Variants in ST3GAL4 observed in about 807,000 individuals in gnomAD.
The protein encoded by ST3GAL4 is CMP-N-acetylneuraminate-beta-galactosamide-alpha-2,3-sialyltransferase 4.
In ST3GAL4, 24 loss-of-function variants were observed where a neutral mutation model predicts 42.6. That is an observed-to-expected ratio of 0.56 (90% CI 0.41 to 0.79). The LOEUF (loss-of-function observed/expected upper bound fraction) is 0.79, where lower values mean the gene tolerates loss of function less well. Ranked by LOEUF, ST3GAL4 falls within the 30% of genes least tolerant of loss-of-function variation. The pLI is 0.00. For missense variants in ST3GAL4, 311 were observed against 430.8 expected (o/e 0.72, Z 2.46); for synonymous variants, 135 against 163.2 (o/e 0.83, Z 1.32).
intron 1 of ST3GAL4, among the ~76,000 whole-genome samples, chr11:126,401,758 A>G (rs889484505): frequency 6.6e-6 from 1 of 152,032 alleles, no homozygotes; most frequent in African/African-American, 2.4e-5. Flanking sequence ...GGCAATTAGA[A>G]GGTCATTGGC....
chr11:126,388,326 ATTTCTTTTTTCT>A (rs1307368962), intron 1 of ST3GAL4, among the ~76,000 whole-genome samples: 3 of 151,782 alleles, frequency 2.0e-5, no homozygotes, highest in Non-Finnish European at 2.9e-5. Flanking sequence ...TTTTTATTTT[ATTTCTTTTTTCT>A]TTTCTTTTTT....
intron 1 of ST3GAL4, among the ~76,000 whole-genome samples, chr11:126,404,097 A>G (rs1565421521): frequency 6.6e-6 from 1 of 152,228 alleles, no homozygotes; most frequent in African/African-American, 2.4e-5. Context: ...TTCTTCAGCC[A>G]TAATCAAGAA....
Position 126,363,824 on chromosome 11 carries a change from G to T in ST3GAL4, c.-61+7982G>T, listed in dbSNP as rs749214074. Among the ~76,000 whole-genome samples, 20 of 152,358 alleles carry T rather than the reference G, an allele frequency of 1.3e-4. No individual in the cohort carries two copies. Among genetic ancestry groups the T allele is most frequent in the Admixed American group, 4.6e-4 (7 of 15,310 alleles). ...TTTTCTACTCTCAGACCCCATTGAG[G>T]TGAGCACACAACAGTGTTCTGTGTG... On this transcript the variant is annotated intron_variant, in intron 1 of 10. Coordinates refer to ENST00000444328, the MANE Select transcript of ST3GAL4 (RefSeq NM_001254757.2). This position sits in a 1 kb window ranked among gnomAD's most constrained non-coding sequence, Gnocchi z 4.6.
rs991048835 is a variant in ST3GAL4, at chr11:126,373,625, G to T, written c.-61+17783G>T. ...CAGGGGCGGACGGGAGGGGGTCGTG[G>T]TGGGTAGCCTGTGGAGCCTGAGGGT... On this transcript the variant is annotated intron_variant, in intron 1 of 10. Coordinates refer to ENST00000444328, the MANE Select transcript of ST3GAL4 (RefSeq NM_001254757.2). The surrounding 1 kb of genome is among the most constrained non-coding windows in gnomAD (Gnocchi z 5.5). Among the ~76,000 whole-genome samples, 1 of 152,162 alleles carries T rather than the reference G, an allele frequency of 6.6e-6. No individual in the cohort carries two copies. The highest frequency in any genetic ancestry group is 1.5e-5 in the Non-Finnish European group (1 of 68,032).
At chr11:126,385,695 G>A (rs1008831748) in intron 1 of ST3GAL4, among the ~76,000 whole-genome samples, 6 of 152,116 alleles carry the variant, frequency 3.9e-5, no homozygotes, top group African/African-American at 1.4e-4. Flanking sequence ...AGGAGCTGCA[G>A]CACAGCCCCA....
chr11:126,406,635 A>T lies in ST3GAL4; in HGVS notation c.101+78A>T. 6.3e-7 allele frequency: 1 copy of T among 1,590,402 alleles called. No homozygotes were observed. The highest frequency in any genetic ancestry group is 8.6e-7 in the Non-Finnish European group (1 of 1,167,368). On this transcript the variant is annotated intron_variant, in intron 3 of 10. Coordinates refer to ENST00000444328, the MANE Select transcript of ST3GAL4 (RefSeq NM_001254757.2). This position sits in a 1 kb window ranked among gnomAD's most constrained non-coding sequence, Gnocchi z 5.4. ...GGGATGGAGCATCATGGAGCGGGGGACCTAGTAGGGCAGGAAGGTTCCAAG... is the reference window on the plus strand; with the variant it reads ...GGGATGGAGCATCATGGAGCGGGGGTCCTAGTAGGGCAGGAAGGTTCCAAG...
rs2135456224 is a variant in ST3GAL4 at position 126,384,928 on chromosome 11, A to AG, written c.-60-21164dup. ...GGGCTGGGACAGAGCTTGAATGGAG[A>AG]GGGGCCGCCTTGTGCCTGGGAAGGG... On this transcript the variant is annotated intron_variant, in intron 1 of 10. Coordinates refer to ENST00000444328, the MANE Select transcript of ST3GAL4 (RefSeq NM_001254757.2). This position sits in a 1 kb window ranked among gnomAD's most constrained non-coding sequence, Gnocchi z 5.5. 1.0e-6 allele frequency: 1 copy of AG among 984,986 alleles called. No individual in the cohort carries two copies. Among genetic ancestry groups the AG allele is most frequent in the East Asian group, 1.1e-4 (1 of 8,786 alleles). 61.0% of individuals were successfully genotyped at this position (984,986 alleles called of 1,614,324 possible). A position where few individuals can be genotyped will look rare whatever the true frequency, so the allele number is the denominator to read the frequency against.
At position 126,414,300 on chromosome 11, in the gene ST3GAL4, C is replaced by T. The variant is rs1661241743; in HGVS notation, c.*253C>T. The stretch of plus-strand genomic sequence containing the variant: ...GGCAGGGGGCTCGTTGCTGTGGCAC[C>T]CCCTCTCTGCCAGCACCAAGAGATT... On this transcript the variant is annotated 3_prime_UTR_variant, in exon 11 of 11. Coordinates refer to ENST00000444328, the MANE Select transcript of ST3GAL4 (RefSeq NM_001254757.2). 1 of 549,386 alleles carries T rather than the reference C, an allele frequency of 1.8e-6. No individual in the cohort carries two copies. Among genetic ancestry groups the T allele is most frequent in the Non-Finnish European group, 3.3e-6 (1 of 304,864 alleles). 34.0% of individuals were successfully genotyped at this position (549,386 alleles called of 1,614,324 possible). A position where few individuals can be genotyped will look rare whatever the true frequency, so the allele number is the denominator to read the frequency against.
At position 126,392,035 on chromosome 11, in the gene ST3GAL4, C is replaced by T. The variant is rs1255972772; in HGVS notation, c.-60-14061C>T. On this transcript the variant is annotated intron_variant, in intron 1 of 10. Coordinates refer to ENST00000444328, the MANE Select transcript of ST3GAL4 (RefSeq NM_001254757.2). This position sits in a 1 kb window ranked among gnomAD's most constrained non-coding sequence, Gnocchi z 5.8. Reference sequence around the variant, plus strand: ...AACACCACTGACCTGAAGGCAGTTACACGTAATTTACAAATGAGGAATCTG... The same window carrying T: ...AACACCACTGACCTGAAGGCAGTTATACGTAATTTACAAATGAGGAATCTG... 3.3e-5 allele frequency: 5 copies of T among 152,090 alleles called. No individual in the cohort carries two copies. The highest frequency in any genetic ancestry group is 3.9e-4 in the East Asian group (2 of 5,180). 9.4% of individuals were successfully genotyped at this position (152,090 alleles called of 1,614,324 possible).
At chr11:126,358,581 G>T in intron 1 of ST3GAL4, 1 of 376,748 alleles carries the variant, frequency 2.7e-6, no homozygotes, top group Non-Finnish European at 5.6e-6. Context: ...GAGAGCAGCA[G>T]CGTGCGATGC....
In ST3GAL4 at chr11:126,391,643, C is replaced by T. The variant is rs376892071; in HGVS notation, c.-60-14453C>T. Among the ~76,000 whole-genome samples, 26 of 152,212 alleles carry T rather than the reference C, an allele frequency of 1.7e-4. No individual in the cohort carries two copies. The East Asian group carries it at 4.5e-3, about 26-fold the overall frequency. ...TGGGTGGCAGTGCCTCTCCTTGCCT[C>T]CCTGGCTGCTACAAGGTCCTGTGTA... On this transcript the variant is annotated intron_variant, in intron 1 of 10. Transcript: ENST00000444328. The surrounding 1 kb of genome is among the most constrained non-coding windows in gnomAD (Gnocchi z 5.5).
intron 1 of ST3GAL4, among the ~76,000 whole-genome samples, chr11:126,394,966 A>G (rs1010885727): frequency 6.6e-6 from 1 of 152,064 alleles, no homozygotes; most frequent in Non-Finnish European, 1.5e-5. Context: ...CCTCCCATGC[A>G]TGACCCTGAG....
chr11:126,400,460 C>A lies in ST3GAL4; in HGVS notation c.-60-5636C>A, dbSNP rs1380443494. Among the ~76,000 whole-genome samples the A allele has an allele frequency of 6.6e-6, 1 of 152,124 alleles. No homozygotes were observed. The highest frequency in any genetic ancestry group is 2.4e-5 in the African/African-American group (1 of 41,416). On this transcript the variant is annotated intron_variant, in intron 1 of 10. Coordinates refer to ENST00000444328, the MANE Select transcript of ST3GAL4 (RefSeq NM_001254757.2). This position sits in a 1 kb window ranked among gnomAD's most constrained non-coding sequence, Gnocchi z 4.6. ...CAACACATTCAAACCATAGCAGGCA[C>A]CTTAATAAAGGTGGAAAAGGGATGT...
chr11:126,382,839 C>G (rs1483706695), intron 1 of ST3GAL4, among the ~76,000 whole-genome samples: 3 of 152,352 alleles, frequency 2.0e-5, no homozygotes, highest in East Asian at 3.9e-4. Context: ...CATCACCCCC[C>G]CAGTTATGGG....
chr11:126,369,977 T>C (rs1218928069), intron 1 of ST3GAL4, among the ~76,000 whole-genome samples: 1 of 152,246 alleles, frequency 6.6e-6, no homozygotes, highest in African/African-American at 2.4e-5. Context: ...TCAGCATGCA[T>C]CGATTTGCAT....
rs1051123026 is a variant in ST3GAL4 at position 126,359,676 on chromosome 11, C to T, written c.-61+3834C>T. Reference sequence around the variant, plus strand: ...CCGGCCGGGCCGTACCCTGAGCACACGCTTGTCCGCTTTCTCAGCTGGGCG... The same window carrying T: ...CCGGCCGGGCCGTACCCTGAGCACATGCTTGTCCGCTTTCTCAGCTGGGCG... On this transcript the variant is annotated intron_variant, in intron 1 of 10. Transcript: ENST00000444328. The surrounding 1 kb of genome is among the most constrained non-coding windows in gnomAD (Gnocchi z 4.8). 3.9e-5 allele frequency among the ~76,000 whole-genome samples: 6 copies of T among 152,212 alleles called. No homozygotes were observed. The highest frequency in any genetic ancestry group is 6.5e-5 in the Admixed American group (1 of 15,290).
intron 1 of ST3GAL4, among the ~76,000 whole-genome samples, chr11:126,370,336 TG>T (rs1952594357): frequency 2.0e-5 from 3 of 152,154 alleles, no homozygotes; most frequent in African/African-American, 7.2e-5. Context: ...TTGTGAAAAA[TG>T]GTATCTCAAC....
chr11:126,375,680 A>G (rs1405253107), intron 1 of ST3GAL4, among the ~76,000 whole-genome samples: 1 of 152,174 alleles, frequency 6.6e-6, no homozygotes, highest in Non-Finnish European at 1.5e-5. Flanking sequence ...AGTGGTCCTC[A>G]GCATTTGGAA....
chr11:126,375,795 A>T (rs1183623889), intron 1 of ST3GAL4, among the ~76,000 whole-genome samples: 1 of 147,740 alleles, frequency 6.8e-6, no homozygotes, highest in Non-Finnish European at 1.5e-5. Flanking sequence ...CACAGGACAG[A>T]CCCCGCAACA....
Sources: allele counts gnomAD v4.1 joint callset (sites outside exome capture counted in the v4.1 genomes callset), GRCh38; gene constraint gnomAD v4.1.1; non-coding constraint Gnocchi (gnomAD v3.1); transcripts MANE v1.5; gene names NCBI Gene and HGNC (gene_info 2026-07-23, HGNC 2026-07-21).